Variants in CCDC146 observed in about 807,000 individuals in gnomAD.
CCDC146 encodes the protein coiled-coil domain-containing protein 146.
A neutral mutation model predicts 119.3 loss-of-function variants in CCDC146; 92 were observed. That is an observed-to-expected ratio of 0.77 (90% CI 0.65 to 0.92). The LOEUF (loss-of-function observed/expected upper bound fraction) is 0.92, where lower values mean the gene tolerates loss of function less well. Among genes scored for constraint, CCDC146 ranks in the 40% least tolerant of loss-of-function variants. The pLI is 0.00. For synonymous variants in CCDC146, 372 were observed against 371.8 expected (o/e 1.00, Z -0.01); for missense variants, 1,000 against 1,103.0 (o/e 0.91, Z 1.32).
chr7:77,156,263 G>A (rs902994859), intron 1 of CCDC146, among the ~76,000 whole-genome samples: 5 of 152,134 alleles, frequency 3.3e-5, no homozygotes, highest in Non-Finnish European at 5.9e-5. Context: ...CTATTTGTGC[G>A]TTTGTGTGGT....
chr7:77,191,801 T>C (rs1791770529), intron 2 of CCDC146, among the ~76,000 whole-genome samples: 1 of 151,924 alleles, frequency 6.6e-6, no homozygotes, highest in African/African-American at 2.4e-5. Flanking sequence ...TCCTAGCTAC[T>C]TGGGAGGCTG....
intron 2 of CCDC146, among the ~76,000 whole-genome samples, chr7:77,205,954 T>C (rs746496754): frequency 2.6e-5 from 4 of 152,142 alleles, no homozygotes; most frequent in Non-Finnish European, 5.9e-5. Flanking sequence ...ACTAATTAAA[T>C]AGACTGCAAA....
rs964772071 is a variant in CCDC146 at position 77,128,164 on chromosome 7, CTG to C, written c.-12+5434_-12+5435del. On this transcript the variant is annotated intron_variant, in intron 1 of 18. Coordinates refer to ENST00000285871, the MANE Select transcript of CCDC146 (RefSeq NM_020879.3). ...TTCTCTTTTGCTACATAAACAAACTCTGTTTCATGGTGGTTTATTTCTTGTCA... is the reference window on the plus strand; with the variant it reads ...TTCTCTTTTGCTACATAAACAAACTCTTTCATGGTGGTTTATTTCTTGTCA... 8.7e-4 allele frequency among the ~76,000 whole-genome samples: 132 copies of C among 152,070 alleles called. 1 individual carries two copies. Among genetic ancestry groups the C allele is most frequent in the African/African-American group, 3.0e-3 (124 of 41,412 alleles).
At position 77,254,489 on chromosome 7, in the gene CCDC146, A is replaced by T. The variant is rs756224430; in HGVS notation, c.450-17A>T. On this transcript the variant is annotated splice_polypyrimidine_tract_variant and intron_variant, in intron 4 of 18. Transcript: ENST00000285871. Reference sequence around the variant, plus strand: ...ATTTCTTTGTACTTTTTCAAACTTGATTTTTTTTTTTTGCAGCTTAAAGGA... The same window carrying T: ...ATTTCTTTGTACTTTTTCAAACTTGTTTTTTTTTTTTTGCAGCTTAAAGGA... 9.2e-6 allele frequency: 10 copies of T among 1,081,806 alleles called. No individual in the cohort carries two copies. In the African/African-American group the frequency reaches 9.6e-5, roughly 10 times the overall value. The allele number at this position is 1,081,806 out of a possible 1,614,324, so 67.0% of individuals were successfully genotyped here.
At chr7:77,278,048 G>C (rs573359058) in intron 11 of CCDC146, among the ~76,000 whole-genome samples, 21 of 152,214 alleles carry the variant, frequency 1.4e-4, no homozygotes, top group African/African-American at 4.8e-4. Context: ...TATTATGTAG[G>C]AAAACACCCC....
chr7:77,248,645 T>A (rs1263626694), intron 4 of CCDC146, among the ~76,000 whole-genome samples: 2 of 152,186 alleles, frequency 1.3e-5, no homozygotes, highest in Non-Finnish European at 2.9e-5. Context: ...AAATAAAGAA[T>A]AGCAAGAAAA....
Position 77,187,295 on chromosome 7 carries a change from GA to G in CCDC146, c.156+19479del, listed in dbSNP as rs970936776. Among the ~76,000 whole-genome samples the G allele has an allele frequency of 2.6e-5, 4 of 152,092 alleles. No individual in the cohort carries two copies. In the East Asian group the frequency reaches 5.8e-4, roughly 22 times the overall value. ...ATGCTGGAACATCCTGTTTACAGGA[GA>G]AAAAAAACCAAAACCTGGTCTGTTC... On this transcript the variant is annotated intron_variant, in intron 2 of 18. Coordinates refer to ENST00000285871, the MANE Select transcript of CCDC146 (RefSeq NM_020879.3).
At chr7:77,145,334 G>A (rs902715720) in intron 1 of CCDC146, among the ~76,000 whole-genome samples, 1 of 151,492 alleles carries the variant, frequency 6.6e-6, no homozygotes, top group Non-Finnish European at 1.5e-5. Context: ...CTTGCTAGTG[G>A]TCTATCAATT....
chr7:77,161,706 G>A (rs1472373039), intron 1 of CCDC146, among the ~76,000 whole-genome samples: 2 of 151,334 alleles, frequency 1.3e-5, no homozygotes, highest in African/African-American at 2.4e-5. Flanking sequence ...GTTAATGGGT[G>A]CAGCACACCA....
chr7:77,234,461 G>T (rs1488918826), intron 2 of CCDC146, among the ~76,000 whole-genome samples: 1 of 152,162 alleles, frequency 6.6e-6, no homozygotes, highest in Non-Finnish European at 1.5e-5. Context: ...TAGACCGGGC[G>T]CAGTGGCTCA....
chr7:77,168,964 C>G (rs565862776), intron 2 of CCDC146, among the ~76,000 whole-genome samples: 4 of 152,020 alleles, frequency 2.6e-5, no homozygotes, highest in South Asian at 2.1e-4. Context: ...TGATATAATA[C>G]CATTTTCTAA....
At chr7:77,161,634 T>C (rs1249609103) in intron 1 of CCDC146, among the ~76,000 whole-genome samples, 1 of 108,472 alleles carries the variant, frequency 9.2e-6, no homozygotes, top group Non-Finnish European at 1.8e-5. Flanking sequence ...CTGGGGACTG[T>C]TGTGGGGTGG....
intron 2 of CCDC146, among the ~76,000 whole-genome samples, chr7:77,185,454 CT>C (rs1169379643): frequency 2.0e-5 from 3 of 152,154 alleles, no homozygotes; most frequent in African/African-American, 7.2e-5. Context: ...TCATCTTGAA[CT>C]GTAGATAAGA....
chr7:77,128,424 A>G (rs1790739038), intron 1 of CCDC146, among the ~76,000 whole-genome samples: 1 of 151,942 alleles, frequency 6.6e-6, no homozygotes, highest in Admixed American at 6.5e-5. Flanking sequence ...ATACAAAAGA[A>G]TAAAGTATGA....
intron 1 of CCDC146, among the ~76,000 whole-genome samples, chr7:77,149,007 C>A (rs993662783): frequency 6.6e-6 from 1 of 152,078 alleles, no homozygotes; most frequent in African/African-American, 2.4e-5. Flanking sequence ...CAAAAAAGAG[C>A]CCATATAGCC....
At chr7:77,159,900 A>T (rs984780050) in intron 1 of CCDC146, among the ~76,000 whole-genome samples, 7 of 152,146 alleles carry the variant, frequency 4.6e-5, no homozygotes, top group African/African-American at 1.4e-4. Flanking sequence ...TTATGGTCTT[A>T]GGTCTAACGT....
Position 77,280,673 on chromosome 7 carries a change from A to G in CCDC146, c.1919+20A>G, listed in dbSNP as rs1243686994. 6.4e-7 allele frequency: 1 copy of G among 1,552,856 alleles called. No individual in the cohort carries two copies. The highest frequency in any genetic ancestry group is 8.8e-7 in the Non-Finnish European group (1 of 1,133,228). Reference sequence around the variant, plus strand: ...TGAAAGGTAAAAACCAGGTGTGAGAACAGAGCACCAGGGATCCAACTGAGG... The same window carrying G: ...TGAAAGGTAAAAACCAGGTGTGAGAGCAGAGCACCAGGGATCCAACTGAGG... On this transcript the variant is annotated intron_variant, in intron 14 of 18. Transcript: ENST00000285871.
chr7:77,206,932 TA>T (rs1792092913), intron 2 of CCDC146, among the ~76,000 whole-genome samples: 1 of 152,136 alleles, frequency 6.6e-6, no homozygotes, highest in Non-Finnish European at 1.5e-5. Flanking sequence ...CCCCACTAAC[TA>T]AATAATTTCA....
At chr7:77,163,482 A>G (rs1791292874) in intron 1 of CCDC146, among the ~76,000 whole-genome samples, 1 of 152,200 alleles carries the variant, frequency 6.6e-6, no homozygotes, top group Admixed American at 6.5e-5. Context: ...GTATTTTTAA[A>G]ATAAATAGAT....
Sources: gnomAD v4.1 joint callset for allele counts (sites outside exome capture counted in the v4.1 genomes callset) on GRCh38, gnomAD v4.1.1 for gene constraint, MANE v1.5 for transcripts, NCBI Gene and HGNC (gene_info 2026-07-23, HGNC 2026-07-21) for gene names.